The following ARFGEF2 variants were observed in gnomAD, a reference collection of about 807,000 sequenced individuals.
The protein encoded by ARFGEF2 is ARF guanine nucleotide exchange factor 2.
ARFGEF2 carries 74 observed loss-of-function variants against 219.9 expected under a neutral mutation model. The ratio of observed to expected loss-of-function variants is 0.34; its 90% CI spans 0.28 to 0.41. ARFGEF2 has a LOEUF of 0.41. Ranked by LOEUF, ARFGEF2 falls within the 10% of genes least tolerant of loss-of-function variation. The pLI, the probability that ARFGEF2 is intolerant of heterozygous loss-of-function variation, is 1.00. For synonymous variants in ARFGEF2, 733 were observed against 799.2 expected (o/e 0.92, Z 1.40); for missense variants, 1,743 against 2,218.3 (o/e 0.79, Z 4.30).
intron 1 of ARFGEF2, among the ~76,000 whole-genome samples, chr20:48,930,248 C>T (rs556666168): frequency 1.3e-5 from 2 of 152,314 alleles, no homozygotes; most frequent in African/African-American, 4.8e-5. Context: ...CATGCAGTAA[C>T]GTATTAGTCC....
chr20:48,988,364 G>C lies in ARFGEF2; in HGVS notation c.2337G>C (p.Leu779=), dbSNP rs185190584. 1.2e-6 allele frequency: 2 copies of C among 1,613,636 alleles called. No homozygotes were observed. Among genetic ancestry groups the C allele is most frequent in the Admixed American group, 3.3e-5 (2 of 60,016 alleles). Residue 779 remains leucine, a synonymous_variant, in exon 17 of 39, where the codon CTG becomes CTC. Transcript: ENST00000371917. Reference sequence around the variant, plus strand: ...TCCTAGCGTATTCAATTATTATGCTGACTACAGACTTGCACAGTCCTCAGG... The same window carrying C: ...TCCTAGCGTATTCAATTATTATGCTCACTACAGACTTGCACAGTCCTCAGG... ...AYVLAYSIIM[L]TTDLHSPQVK...
chr20:48,942,437 A>G (rs550444052), intron 3 of ARFGEF2, among the ~76,000 whole-genome samples: 30 of 142,876 alleles, frequency 2.1e-4, no homozygotes, highest in Admixed American at 5.0e-4. Flanking sequence ...GGCATGAGCC[A>G]CCACACCTCC....
chr20:48,981,895 A>G (rs1600631329), intron 14 of ARFGEF2, among the ~76,000 whole-genome samples: 2 of 152,152 alleles, frequency 1.3e-5, no homozygotes, highest in Middle Eastern at 3.4e-3. Flanking sequence ...ATCTTTTTTC[A>G]AGGTTCTTAG....
chr20:49,016,572 G>GCC (rs11481871), intron 31 of ARFGEF2, among the ~76,000 whole-genome samples, 157 bp downstream of exon 31: 10 of 151,626 alleles, frequency 6.6e-5, no homozygotes, highest in Middle Eastern at 3.4e-3. Flanking sequence ...AAAAAACAGT[G>GCC]CCCCCCCCAA....
intron 7 of ARFGEF2, 78 bp from the exon 8 acceptor site, chr20:48,965,794 A>C: frequency 6.4e-7 from 1 of 1,557,814 alleles, no homozygotes; most frequent in Non-Finnish European, 8.9e-7. Flanking sequence ...TTCACAGATA[A>C]CTTCTTTTTG....
intron 35 of ARFGEF2, 32 bp from the exon 36 acceptor site, chr20:49,025,281 T>G: frequency 6.3e-7 from 1 of 1,591,184 alleles, no homozygotes; most frequent in Non-Finnish European, 8.6e-7. Context: ...ATCTTCTTCA[T>G]TAGCTCTTCT....
chr20:48,922,466 T>C (rs1265209277), intron 1 of ARFGEF2, among the ~76,000 whole-genome samples: 1 of 152,178 alleles, frequency 6.6e-6, no homozygotes, highest in Non-Finnish European at 1.5e-5. Context: ...GAGAATGTTT[T>C]CCTTTGGTTT....
At chr20:48,989,232 G>A in intron 18 of ARFGEF2, 53 bp from the exon 19 acceptor site, 1 of 1,604,878 alleles carries the variant, frequency 6.2e-7, no homozygotes, top group Non-Finnish European at 8.5e-7. Flanking sequence ...TGTATGGCAT[G>A]TAGCCAGCCC....
At chr20:48,961,367 T>C (rs1048700318) in intron 6 of ARFGEF2, among the ~76,000 whole-genome samples, 1 of 152,114 alleles carries the variant, frequency 6.6e-6, no homozygotes, top group Non-Finnish European at 1.5e-5. Context: ...AGCCTAGGCC[T>C]GCACAGGGTC....
chr20:49,002,050 A>G (rs1047921929), intron 25 of ARFGEF2, among the ~76,000 whole-genome samples: 1 of 152,192 alleles, frequency 6.6e-6, no homozygotes, highest in African/African-American at 2.4e-5. Context: ...GTTCGAGACT[A>G]ACCTGGCCAA....
In ARFGEF2 at chr20:49,032,211, T is replaced by A. The variant is rs768294552; in HGVS notation, c.5181+45T>A. 4.1e-6 allele frequency: 6 copies of A among 1,446,418 alleles called. No homozygotes were observed. In the African/African-American group the frequency reaches 8.4e-5, roughly 20 times the overall value. 89.6% of individuals were successfully genotyped at this position (1,446,418 alleles called of 1,614,324 possible). A position where few individuals can be genotyped will look rare whatever the true frequency, so the allele number is the denominator to read the frequency against. On this transcript the variant is annotated intron_variant, in intron 38 of 38. Coordinates refer to ENST00000371917, the MANE Select transcript of ARFGEF2 (RefSeq NM_006420.3). The stretch of plus-strand genomic sequence containing the variant: ...GACCAATTTTCACTAGGACATAAAG[T>A]TTGGGTTGGCTTTTTACTCAAGAGT...
intron 10 of ARFGEF2, 140 bp from the exon 11 acceptor site, chr20:48,972,186 G>GC: frequency 1.4e-6 from 1 of 691,060 alleles, no homozygotes; most frequent in Non-Finnish European, 2.6e-6. Flanking sequence ...TTGCTGCCCA[G>GC]CCAGGTGGGC....
intron 1 of ARFGEF2, among the ~76,000 whole-genome samples, chr20:48,937,553 AT>A (rs1568691274): frequency 1.3e-5 from 2 of 151,822 alleles, no homozygotes; most frequent in Non-Finnish European, 1.5e-5. Flanking sequence ...TGGCCTCAAG[AT>A]TTTTTTTTCT....
At chr20:48,949,583 A>G (rs962662891) in intron 3 of ARFGEF2, among the ~76,000 whole-genome samples, 3 of 152,064 alleles carry the variant, frequency 2.0e-5, no homozygotes, top group Non-Finnish European at 4.4e-5. Context: ...CAGTTACTCC[A>G]TCCAGTAGTA....
At position 48,995,770 on chromosome 20, in the gene ARFGEF2, C is replaced by T; in HGVS notation, c.3122-13C>T. On this transcript the variant is annotated splice_polypyrimidine_tract_variant and intron_variant, in intron 22 of 38. Coordinates refer to ENST00000371917, the MANE Select transcript of ARFGEF2 (RefSeq NM_006420.3). The stretch of plus-strand genomic sequence containing the variant: ...TTTTTGAAGTACTGCTGATTTTGTG[C>T]ATTGTGTTTCAGGTAATTTGGTGAG... 1 of 1,611,368 alleles carries T rather than the reference C, an allele frequency of 6.2e-7. No individual in the cohort carries two copies. Among genetic ancestry groups the T allele is most frequent in the Non-Finnish European group, 8.5e-7 (1 of 1,177,594 alleles).
At chr20:49,010,149 C>A in intron 26 of ARFGEF2, 83 bp from the exon 27 acceptor site, 1 of 1,508,732 alleles carries the variant, frequency 6.6e-7, no homozygotes, top group Non-Finnish European at 9.0e-7. Flanking sequence ...TGTTTAAGTG[C>A]TGCTTCTAAG....
chr20:49,005,613 C>T (rs1359643096), intron 26 of ARFGEF2, among the ~76,000 whole-genome samples: 1 of 151,520 alleles, frequency 6.6e-6, no homozygotes, highest in African/African-American at 2.4e-5. Context: ...TGGCGGGCGC[C>T]TATAGGTCCA....
At position 48,996,127 on chromosome 20, in the gene ARFGEF2, C is replaced by T. The variant is rs6125517; in HGVS notation, c.3221+245C>T. The stretch of plus-strand genomic sequence containing the variant: ...TTGATGTTTTAAATTACCTTGTTTC[C>T]TTAGTAGAAATTATTTTTTTAAAAA... On this transcript the variant is annotated intron_variant, in intron 23 of 38. Transcript: ENST00000371917. Among the ~76,000 whole-genome samples, 160 of 152,144 alleles carry T rather than the reference C, an allele frequency of 1.1e-3. No homozygotes were observed. The East Asian group carries it at 0.022, about 21-fold the overall frequency.
chr20:48,936,782 C>T (rs550227380), intron 1 of ARFGEF2, among the ~76,000 whole-genome samples: 4 of 152,276 alleles, frequency 2.6e-5, no homozygotes, highest in African/African-American at 9.6e-5. Flanking sequence ...CTGCCTGGGC[C>T]TCCCAAAGTG....
Sources: gnomAD v4.1 joint callset for allele counts (sites outside exome capture counted in the v4.1 genomes callset) on GRCh38, gnomAD v4.1.1 for gene constraint, MANE v1.5 for transcripts, NCBI Gene and HGNC (gene_info 2026-07-23, HGNC 2026-07-21) for gene names.